The following CSMD3 variants were observed in gnomAD, a reference collection of about 807,000 sequenced individuals.
CSMD3 encodes the protein CUB and sushi domain-containing protein 3.
In CSMD3, 177 loss-of-function variants were observed where a neutral mutation model predicts 435.2. The ratio of observed to expected loss-of-function variants is 0.41; its 90% CI spans 0.36 to 0.46. CSMD3 has a LOEUF of 0.46. CSMD3 is among the 20% of genes least tolerant of loss of function. CSMD3 has a pLI of 0.34. For missense variants in CSMD3, 4,265 were observed against 4,504.6 expected, an observed-to-expected ratio of 0.95 and a Z score of 1.52; for synonymous variants, 1,656 against 1,520.5, an observed-to-expected ratio of 1.09 and a Z score of -2.07.
chr8:113,125,430 A>G (rs1262071593), intron 4 of CSMD3, among the ~76,000 whole-genome samples: 4 of 152,008 alleles, frequency 2.6e-5, no homozygotes, highest in Non-Finnish European at 5.9e-5. Flanking sequence ...GATTATCAGC[A>G]TAGAGATGGA....
At chr8:112,923,437 G>A (rs763232387) in intron 9 of CSMD3, among the ~76,000 whole-genome samples, 2 of 151,892 alleles carry the variant, frequency 1.3e-5, no homozygotes, top group African/African-American at 2.4e-5. Context: ...TAGATTTATC[G>A]ACTTCCTTGC....
At chr8:112,252,347 G>GA (rs1815341465) in intron 63 of CSMD3, among the ~76,000 whole-genome samples, 1 of 151,872 alleles carries the variant, frequency 6.6e-6, no homozygotes, top group African/African-American at 2.4e-5. Flanking sequence ...AATCTGCGGA[G>GA]AGAAAATATG....
intron 22 of CSMD3, among the ~76,000 whole-genome samples, chr8:112,628,922 AG>A (rs2131548625): frequency 6.6e-6 from 1 of 152,236 alleles, no homozygotes; most frequent in African/African-American, 2.4e-5. Context: ...ATTTATCTTA[AG>A]GGCAGTGGAA....
At position 112,829,850 on chromosome 8, in the gene CSMD3, A is replaced by G; in HGVS notation, c.1756-61T>C. ...TGCGTTGTGCAATAAAAACAACAAA[A>G]AAAGCAATGACAGAAATGCATTCTT... On this transcript the variant is annotated intron_variant, in intron 11 of 70. Transcript: ENST00000297405. 5.8e-6 allele frequency: 5 copies of G among 864,330 alleles called. No homozygotes were observed. In the South Asian group the frequency reaches 6.8e-5, roughly 12 times the overall value. The allele number at this position is 864,330 out of a possible 1,614,324, so 53.5% of individuals were successfully genotyped here. A position where few individuals can be genotyped will look rare whatever the true frequency, so the allele number is the denominator to read the frequency against.
In CSMD3 at chr8:113,150,699, T is replaced by C. The variant is rs2091786126; in HGVS notation, c.709+23023A>G. Among the ~76,000 whole-genome samples, 4 of 152,068 alleles carry C rather than the reference T, an allele frequency of 2.6e-5. No individual in the cohort carries two copies. The South Asian group carries it at 8.3e-4, about 31-fold the overall frequency. On this transcript the variant is annotated intron_variant, in intron 4 of 70. Transcript: ENST00000297405. Reference sequence around the variant, plus strand: ...AGGACAAGATTTTCATGTTTTATTCTTAATTGCTAATAAATACATAACACA... The same window carrying C: ...AGGACAAGATTTTCATGTTTTATTCCTAATTGCTAATAAATACATAACACA...
intron 35 of CSMD3, among the ~76,000 whole-genome samples, chr8:112,398,850 A>G (rs1831074216): frequency 6.6e-6 from 1 of 152,080 alleles, no homozygotes; most frequent in Non-Finnish European, 1.5e-5. Context: ...GTATTGATGA[A>G]TAGCTTCTAG....
intron 6 of CSMD3, among the ~76,000 whole-genome samples, chr8:113,014,712 A>G (rs2086387714): frequency 6.6e-6 from 1 of 152,126 alleles, no homozygotes; most frequent in Non-Finnish European, 1.5e-5. Context: ...AATGTTTCAG[A>G]GACATCTGAT....
intron 5 of CSMD3, among the ~76,000 whole-genome samples, chr8:113,025,623 G>A (rs773284238): frequency 6.6e-5 from 10 of 152,106 alleles, no homozygotes; most frequent in African/African-American, 9.7e-5. Flanking sequence ...CTGGTGGTTC[G>A]GGCAAATGCT....
At chr8:112,474,482 C>T (rs1178586926) in intron 31 of CSMD3, among the ~76,000 whole-genome samples, 7 of 152,106 alleles carry the variant, frequency 4.6e-5, no homozygotes, top group Non-Finnish European at 2.9e-5. Flanking sequence ...AATCATTACA[C>T]AAGGAAAATC....
At chr8:112,395,598 C>A (rs952887538) in intron 35 of CSMD3, among the ~76,000 whole-genome samples, 1 of 152,022 alleles carries the variant, frequency 6.6e-6, no homozygotes, top group Non-Finnish European at 1.5e-5. Flanking sequence ...ATCAGATAAG[C>A]AGCTAATTAA....
chr8:112,634,252 A>C (rs896417193), intron 22 of CSMD3, among the ~76,000 whole-genome samples: 4 of 152,054 alleles, frequency 2.6e-5, no homozygotes, highest in African/African-American at 4.8e-5. Context: ...GGAAAAAAAA[A>C]CAAAATAAGA....
At chr8:113,025,915 T>C (rs2086858936) in intron 5 of CSMD3, among the ~76,000 whole-genome samples, 1 of 152,168 alleles carries the variant, frequency 6.6e-6, no homozygotes, top group Admixed American at 6.5e-5. Flanking sequence ...GCCATCTGTG[T>C]GAGTGTAGTG....
chr8:112,815,180 T>C (rs2079339366), intron 12 of CSMD3, among the ~76,000 whole-genome samples: 1 of 152,134 alleles, frequency 6.6e-6, no homozygotes, highest in Admixed American at 6.6e-5. Flanking sequence ...TAATGTATGG[T>C]TTTTAAAATC....
intron 4 of CSMD3, among the ~76,000 whole-genome samples, chr8:113,128,703 A>T (rs2091206733): frequency 6.6e-6 from 1 of 152,186 alleles, no homozygotes; most frequent in South Asian, 2.1e-4. Context: ...TTCCAAACAT[A>T]TTTGAGTATA....
intron 3 of CSMD3, among the ~76,000 whole-genome samples, chr8:113,232,138 T>C (rs148607581): frequency 1.7e-3 from 252 of 151,676 alleles, no homozygotes; most frequent in South Asian, 2.1e-3. Flanking sequence ...GTAAATGTAT[T>C]GCTGGGTACC....
chr8:113,248,962 T>C (rs1312380468), intron 3 of CSMD3, among the ~76,000 whole-genome samples: 1 of 152,104 alleles, frequency 6.6e-6, no homozygotes, highest in Non-Finnish European at 1.5e-5. Context: ...ATGGTTTGGC[T>C]GTGTCCCCAC....
intron 3 of CSMD3, among the ~76,000 whole-genome samples, chr8:113,268,435 T>G (rs1221914275): frequency 6.6e-6 from 1 of 151,820 alleles, no homozygotes; most frequent in Admixed American, 6.6e-5. Context: ...GAAATTCAAG[T>G]GTATGGTAGA....
At chr8:112,344,326 C>T (rs973674909) in intron 41 of CSMD3, among the ~76,000 whole-genome samples, 3 of 152,182 alleles carry the variant, frequency 2.0e-5, no homozygotes, top group Non-Finnish European at 4.4e-5. Context: ...ATTTTACTGT[C>T]TCCTCATTAT....
intron 4 of CSMD3, among the ~76,000 whole-genome samples, chr8:113,153,056 GA>G: frequency 8.2e-6 from 1 of 121,278 alleles, no homozygotes; most frequent in African/African-American, 3.1e-5. Flanking sequence ...AAAGAAGAGA[GA>G]AAAAAGAAAA....
Sources: allele counts gnomAD v4.1 joint callset (sites outside exome capture counted in the v4.1 genomes callset), GRCh38; gene constraint gnomAD v4.1.1; transcripts MANE v1.5; gene names NCBI Gene and HGNC (gene_info 2026-07-23, HGNC 2026-07-21).